The following TSPAN15 variants were observed in gnomAD, a reference collection of about 807,000 sequenced individuals.
TSPAN15 encodes the protein tetraspanin 15, also known as tetraspanin-15.
TSPAN15 carries 20 observed loss-of-function variants against 34.5 expected under a neutral mutation model. The observed-to-expected ratio is 0.58, with a 90% confidence interval of 0.41 to 0.84. TSPAN15 has a LOEUF of 0.84. TSPAN15 is among the 40% of genes least tolerant of loss of function. The pLI, the probability that TSPAN15 is intolerant of heterozygous loss-of-function variation, is 0.00. For synonymous variants in TSPAN15, 155 were observed against 153.9 expected, an observed-to-expected ratio of 1.01 and a Z score of -0.05; for missense variants, 313 against 386.1, an observed-to-expected ratio of 0.81 and a Z score of 1.59.
chr10:69,503,068 G>A (rs12263764), intron 5 of TSPAN15, among the ~76,000 whole-genome samples: 29,446 of 152,128 alleles, frequency 0.19, 3,078 homozygotes, highest in Middle Eastern at 0.28. Context: ...TCATGTGCCC[G>A]TGCACCTGCT....
intron 1 of TSPAN15, among the ~76,000 whole-genome samples, chr10:69,467,633 AAAC>A (rs1841412927): frequency 7.6e-6 from 1 of 131,690 alleles, no homozygotes; most frequent in South Asian, 2.4e-4. Flanking sequence ...AAACAAAACA[AAAC>A]AACACACACA....
chr10:69,488,140 C>T (rs1317746387), intron 3 of TSPAN15, among the ~76,000 whole-genome samples: 2 of 152,172 alleles, frequency 1.3e-5, no homozygotes, highest in Non-Finnish European at 2.9e-5. Context: ...GGTGATTTTT[C>T]TCCTCCCCTT....
chr10:69,483,808 G>T lies in TSPAN15; in HGVS notation c.214G>T (p.Val72Phe). 1 of 1,614,144 alleles carries T rather than the reference G, an allele frequency of 6.2e-7. No homozygotes were observed. Among genetic ancestry groups the T allele is most frequent in the Non-Finnish European group, 8.5e-7 (1 of 1,180,022 alleles). The change falls in exon 2 of 8, where the codon GTC becomes TTC. Residue 72 changes from valine to phenylalanine, a missense_variant. Physicochemically the swap from Val to Phe is conservative, Grantham distance 50 (BLOSUM62 -1). Coordinates refer to ENST00000373290, the MANE Select transcript of TSPAN15 (RefSeq NM_012339.5). Reference sequence around the variant, plus strand: ...CATCATCCTCATCCTCCTGGGCGTCGTCATGTTCATGGTCTCCTTCATTGG... The same window carrying T: ...CATCATCCTCATCCTCCTGGGCGTCTTCATGTTCATGGTCTCCTTCATTGG... ...PAIILILLGV[V>F]MFMVSFIGVL...
intron 5 of TSPAN15, among the ~76,000 whole-genome samples, chr10:69,499,954 C>A (rs1464515578): frequency 6.6e-6 from 1 of 152,064 alleles, no homozygotes; most frequent in African/African-American, 2.4e-5. Context: ...TCATGGGTAC[C>A]CCGAAGGCCA....
At position 69,459,932 on chromosome 10, in the gene TSPAN15, C is replaced by A. The variant is rs560510565; in HGVS notation, c.96+8242C>A. On this transcript the variant is annotated intron_variant, in intron 1 of 7. Transcript: ENST00000373290. ...GGAGACTCTAGGCACCCCCCCCCCA[C>A]GAATGGAGGGAGACTCTAGGGCTCC... Among the ~76,000 whole-genome samples the A allele has an allele frequency of 5.1e-5, 7 of 137,750 alleles. No individual in the cohort carries two copies. In the East Asian group the frequency reaches 6.4e-4, roughly 13 times the overall value. The allele number at this position is 137,750 out of a possible 152,430, so 90.4% of individuals were successfully genotyped here.
chr10:69,468,437 A>G (rs548269999), intron 1 of TSPAN15, among the ~76,000 whole-genome samples: 1 of 151,822 alleles, frequency 6.6e-6, no homozygotes, highest in Admixed American at 6.5e-5. Flanking sequence ...CTTCTCTCAT[A>G]CCAGATGGGG....
At chr10:69,536,824 A>G in the TSPAN15 span, among the ~76,000 whole-genome samples, 1 of 152,092 alleles carries the variant, frequency 6.6e-6, no homozygotes, top group African/African-American at 2.4e-5. Flanking sequence ...GTCTCTACTA[A>G]AAATACAAAA....
Position 69,507,379 on chromosome 10 carries a change from G to C in TSPAN15, c.*401G>C. On this transcript the variant is annotated 3_prime_UTR_variant, in exon 8 of 8. Transcript: ENST00000373290. ...AGAGGGAGTGTGCCCCTCGGGGCAG[G>C]AGGGAAGGGCATCTGGGGAAGGGCA... 1.6e-6 allele frequency: 2 copies of C among 1,220,160 alleles called. No individual in the cohort carries two copies. Among genetic ancestry groups the C allele is most frequent in the South Asian group, 3.0e-5 (2 of 65,990 alleles). The allele number at this position is 1,220,160 out of a possible 1,614,324, so 75.6% of individuals were successfully genotyped here.
At chr10:69,522,366 A>G in the TSPAN15 span, among the ~76,000 whole-genome samples, 2 of 106,870 alleles carry the variant, frequency 1.9e-5, no homozygotes, top group Non-Finnish European at 3.7e-5. Context: ...ACAGAGCAAG[A>G]CCTTGTCTCA....
chr10:69,531,693 G>C, the TSPAN15 span, among the ~76,000 whole-genome samples: 1 of 151,900 alleles, frequency 6.6e-6, no homozygotes, highest in Admixed American at 6.6e-5. Flanking sequence ...ATGCCAGAAA[G>C]ATATACCTGC....
Position 69,464,732 on chromosome 10 carries a change from G to A in TSPAN15, c.96+13042G>A, listed in dbSNP as rs191163319. ...TTTGAGGGGCCGTAGAGGGCATCTAGTGTTACCCCTTCCTTTCAGAGAGAA... is the reference window on the plus strand; with the variant it reads ...TTTGAGGGGCCGTAGAGGGCATCTAATGTTACCCCTTCCTTTCAGAGAGAA... On this transcript the variant is annotated intron_variant, in intron 1 of 7. Coordinates refer to ENST00000373290, the MANE Select transcript of TSPAN15 (RefSeq NM_012339.5). Among the ~76,000 whole-genome samples, 282 of 152,286 alleles carry A rather than the reference G, an allele frequency of 1.9e-3. 1 individual carries two copies. The highest frequency in any genetic ancestry group is 6.5e-3 in the African/African-American group (272 of 41,560).
intron 1 of TSPAN15, among the ~76,000 whole-genome samples, chr10:69,452,740 C>T (rs140538209): frequency 5.6e-4 from 85 of 152,314 alleles, no homozygotes; most frequent in African/African-American, 1.9e-3. Flanking sequence ...AGGCCAGCTC[C>T]GCCCCTGTCA....
At chr10:69,465,578 C>G (rs1841365878) in intron 1 of TSPAN15, among the ~76,000 whole-genome samples, 1 of 152,214 alleles carries the variant, frequency 6.6e-6, no homozygotes, top group African/African-American at 2.4e-5. Context: ...TAGCCATTCT[C>G]TCACTTCAAC....
the TSPAN15 span, among the ~76,000 whole-genome samples, chr10:69,546,215 A>G: frequency 6.6e-6 from 1 of 152,164 alleles, no homozygotes; most frequent in African/African-American, 2.4e-5. Context: ...GGGCCCACCC[A>G]GGGCTTCTGC....
At chr10:69,518,848 A>C in the TSPAN15 span, among the ~76,000 whole-genome samples, 2 of 152,168 alleles carry the variant, frequency 1.3e-5, no homozygotes, top group African/African-American at 4.8e-5. Context: ...TCCTGGGTAA[A>C]GGGAGGAGGC....
chr10:69,482,631 G>A (rs1589639460), intron 1 of TSPAN15, among the ~76,000 whole-genome samples: 2 of 152,250 alleles, frequency 1.3e-5, no homozygotes, highest in East Asian at 3.9e-4. Flanking sequence ...TCATTCACTC[G>A]CGAAAGCCGT....
chr10:69,512,404 A>G (rs897223455), downstream of TSPAN15, among the ~76,000 whole-genome samples: 1 of 152,274 alleles, frequency 6.6e-6, no homozygotes. Context: ...AAAAATGTCC[A>G]ATACCATATT....
chr10:69,495,368 A>G (rs1003548875), intron 3 of TSPAN15: 4 of 529,736 alleles, frequency 7.6e-6, no homozygotes, highest in Admixed American at 3.2e-5. Flanking sequence ...CTGCTGGGAC[A>G]TAGCACAGGC....
chr10:69,471,847 C>G (rs575909205), intron 1 of TSPAN15, among the ~76,000 whole-genome samples: 2 of 152,312 alleles, frequency 1.3e-5, no homozygotes, highest in South Asian at 4.1e-4. Context: ...TCAACTTCCA[C>G]TTCCCAAAGT....
Sources: gnomAD v4.1 joint callset for allele counts (sites outside exome capture counted in the v4.1 genomes callset) on GRCh38, gnomAD v4.1.1 for gene constraint, MANE v1.5 for transcripts, NCBI Gene and HGNC (gene_info 2026-07-23, HGNC 2026-07-21) for gene names.